NPEPL1: variants seen among roughly 807,000 people sequenced by gnomAD.
NPEPL1 encodes the protein probable aminopeptidase NPEPL1.
Under a neutral mutation model 52.4 loss-of-function variants are expected in NPEPL1, and 45 were observed. That is an observed-to-expected ratio of 0.86 (90% CI 0.68 to 1.10). NPEPL1 has a LOEUF of 1.10. Among genes scored for constraint, NPEPL1 ranks in the 50% least tolerant of loss-of-function variants. The pLI is 0.00. For missense variants in NPEPL1, 696 were observed against 710.9 expected (o/e 0.98, Z 0.24); for synonymous variants, 360 against 314.7 (o/e 1.14, Z -1.52).
intron 6 of NPEPL1, chr20:58,704,265 A>G: frequency 1.0e-6 from 1 of 983,570 alleles, no homozygotes; most frequent in Non-Finnish European, 1.2e-6. Flanking sequence ...GGCTGGAGCC[A>G]GCCCAGCTCC....
chr20:58,706,906 G>A (rs2084744789), intron 6 of NPEPL1, among the ~76,000 whole-genome samples: 2 of 152,168 alleles, frequency 1.3e-5, no homozygotes, highest in African/African-American at 4.8e-5. Flanking sequence ...ACCATCTATG[G>A]CCATGACTCC....
intron 7 of NPEPL1, chr20:58,711,452 C>T (rs2084840394): frequency 1.3e-5 from 2 of 152,484 alleles, no homozygotes; most frequent in Admixed American, 6.5e-5. Flanking sequence ...GCCCCGTGTC[C>T]CTGACACAGG....
chr20:58,712,498 A>G lies in NPEPL1; in HGVS notation c.920A>G (p.His307Arg). The G allele has an allele frequency of 6.2e-7, 1 of 1,612,346 alleles. No homozygotes were observed. Among genetic ancestry groups the G allele is most frequent in the Non-Finnish European group, 8.5e-7 (1 of 1,179,392 alleles). Residue 307 changes from histidine to arginine, a missense_variant, in exon 8 of 12, where the codon CAC becomes CGC. Physicochemically the swap from His to Arg is conservative, Grantham distance 29. Coordinates refer to ENST00000356091, the MANE Select transcript of NPEPL1 (RefSeq NM_024663.4). ...AIKQGFKDNL[H>R]AVFCLAENSV... ...CTCCAGGGTTTCAAAGACAACCTCC[A>G]CGCTGTGTTCTGCTTGGCTGAGAAC...
At chr20:58,714,945 A>G in intron 11 of NPEPL1, 1 of 621,868 alleles carries the variant, frequency 1.6e-6, no homozygotes, top group Non-Finnish European at 2.8e-6. Context: ...GTGAAGGCAG[A>G]GCACACAGGG....
At chr20:58,695,098 TTGC>T (rs1396952066) in intron 3 of NPEPL1, among the ~76,000 whole-genome samples, 3 of 147,818 alleles carry the variant, frequency 2.0e-5, no homozygotes, top group South Asian at 2.1e-4. Context: ...GTGGTATGTG[TTGC>T]TGTGTGTGTG....
chr20:58,694,127 C>T (rs1359244603), intron 2 of NPEPL1, among the ~76,000 whole-genome samples: 2 of 152,238 alleles, frequency 1.3e-5, no homozygotes, highest in Admixed American at 1.3e-4. Flanking sequence ...ATCAGAGACT[C>T]AAACCTAGAT....
intron 3 of NPEPL1, 77 bp from the exon 4 acceptor site, chr20:58,698,606 CT>C: frequency 4.2e-6 from 5 of 1,193,252 alleles, no homozygotes. Context: ...CCTCTGCTGC[CT>C]TTTGTTCCTG....
Position 58,693,938 on chromosome 20 carries a change from G to A in NPEPL1, c.336+16G>A, listed in dbSNP as rs6100166. On this transcript the variant is annotated intron_variant, in intron 2 of 11. Coordinates refer to ENST00000356091, the MANE Select transcript of NPEPL1 (RefSeq NM_024663.4). ...CTGCATTGTGGTGAGTGCTTCGAGA[G>A]GAGGCAGCCACGGTGCTCCTAGTCG... The A allele has an allele frequency of 7.1e-6, 11 of 1,549,798 alleles. No homozygotes were observed. Among genetic ancestry groups the A allele is most frequent in the Non-Finnish European group, 9.6e-6 (11 of 1,142,978 alleles).
At chr20:58,696,398 G>C (rs745995051) in intron 3 of NPEPL1, among the ~76,000 whole-genome samples, 1 of 152,196 alleles carries the variant, frequency 6.6e-6, no homozygotes, top group Non-Finnish European at 1.5e-5. Flanking sequence ...CATCTTTGTT[G>C]ATCTCCTGTG....
At position 58,712,533 on chromosome 20, in the gene NPEPL1, C is replaced by T. The variant is rs757104690; in HGVS notation, c.955C>T (p.Pro319Ser). 2 of 1,613,460 alleles carry T rather than the reference C, an allele frequency of 1.2e-6. No individual in the cohort carries two copies. Among genetic ancestry groups the T allele is most frequent in the Middle Eastern group, 3.3e-4 (2 of 6,084 alleles). The change falls in exon 8 of 12, where the codon CCC (proline) becomes TCC (serine). Residue 319 changes from proline (P) to serine (S), a missense_variant. Pro to Ser is a moderately conservative substitution (Grantham distance 74, BLOSUM62 -1). Transcript: ENST00000356091. Reference sequence around the variant, plus strand: ...CTGCTTGGCTGAGAACTCGGTGGGGCCCAATGCGACAAGGCCAGATGACAT... The same window carrying T: ...CTGCTTGGCTGAGAACTCGGTGGGGTCCAATGCGACAAGGCCAGATGACAT... ...VFCLAENSVG[P>S]NATRPDDIHL... is the part of the protein sequence containing the mutation.
rs1277147404 is a variant in NPEPL1, at chr20:58,715,732, A to C, written c.*406A>C. The C allele has an allele frequency of 1.9e-5, 3 of 161,652 alleles. No homozygotes were observed. Among genetic ancestry groups the C allele is most frequent in the Non-Finnish European group, 2.7e-5 (2 of 74,686 alleles). The allele number at this position is 161,652 out of a possible 1,614,324, so 10.0% of individuals were successfully genotyped here. A position where few individuals can be genotyped will look rare whatever the true frequency, so the allele number is the denominator to read the frequency against. On this transcript the variant is annotated 3_prime_UTR_variant, in exon 12 of 12. Transcript: ENST00000356091. ...GCATCCAGCCAGCCCAGCCCTGTGA[A>C]AGATGGAGCTGACTTGCTGCAGGGG... is the stretch of plus-strand genomic sequence containing the variant.
chr20:58,700,637 C>A (rs1243651901), intron 5 of NPEPL1, among the ~76,000 whole-genome samples: 1 of 152,318 alleles, frequency 6.6e-6, no homozygotes, highest in East Asian at 1.9e-4. Context: ...GCGGTGCAGT[C>A]CCTGAGTGCT....
At chr20:58,702,533 TTTG>T (rs1182838351) in intron 6 of NPEPL1, among the ~76,000 whole-genome samples, 3 of 152,120 alleles carry the variant, frequency 2.0e-5, no homozygotes, top group Non-Finnish European at 4.4e-5. Flanking sequence ...AAAAGGGTTT[TTTG>T]TTTTTTTTTA....
rs2084405891 is a variant in NPEPL1, at chr20:58,693,899, C to T, written c.313C>T (p.Pro105Ser). 2 of 1,609,812 alleles carry T rather than the reference C, an allele frequency of 1.2e-6. No homozygotes were observed. Among genetic ancestry groups the T allele is most frequent in the African/African-American group, 2.7e-5 (2 of 74,854 alleles). The change falls in exon 2 of 12, where the codon CCC becomes TCC. Residue 105 changes from proline to serine, a missense_variant. Coordinates refer to ENST00000356091, the MANE Select transcript of NPEPL1 (RefSeq NM_024663.4). ...GCGGCTGGTGCGGACCTGCCTGCCG[C>T]CCGGAGCGCATCGCTGCATTGTGGT... ...ITRLVRTCLP[P>S]GAHRCIVMVC...
rs1392609977 is a variant in NPEPL1, at chr20:58,715,804, T to G, written c.*478T>G. ...AAGTCACACTCCGGCCTCTCAGAAT[T>G]CACTTGAGGTTCAATTAAATACAGT... On this transcript the variant is annotated 3_prime_UTR_variant, in exon 12 of 12. Transcript: ENST00000356091. 6.5e-6 allele frequency: 1 copy of G among 153,212 alleles called. No individual in the cohort carries two copies. Among genetic ancestry groups the G allele is most frequent in the African/African-American group, 2.4e-5 (1 of 41,488 alleles). The allele number at this position is 153,212 out of a possible 1,614,324, so 9.5% of individuals were successfully genotyped here. A position where few individuals can be genotyped will look rare whatever the true frequency, so the allele number is the denominator to read the frequency against.
chr20:58,700,618 T>C (rs1286758581), intron 5 of NPEPL1, among the ~76,000 whole-genome samples: 1 of 151,970 alleles, frequency 6.6e-6, no homozygotes, highest in East Asian at 1.9e-4. Flanking sequence ...TGGGAGCGAG[T>C]GTGAAAGGGC....
chr20:58,699,452 C>T (rs1241877242), intron 5 of NPEPL1, among the ~76,000 whole-genome samples, 174 bp downstream of exon 5: 1 of 152,214 alleles, frequency 6.6e-6, no homozygotes, highest in African/African-American at 2.4e-5. Context: ...AAGCAGCCGT[C>T]CCTGGGGGAG....
At chr20:58,699,158 G>C (rs752455966) in intron 4 of NPEPL1, 39 bp from the exon 5 acceptor site, 1 of 1,529,896 alleles carries the variant, frequency 6.5e-7, no homozygotes, top group Non-Finnish European at 8.9e-7. Flanking sequence ...CCATCTTCAT[G>C]TGTTGTTGTG....
intron 7 of NPEPL1, among the ~76,000 whole-genome samples, chr20:58,709,826 C>G (rs1326250861): frequency 1.3e-5 from 2 of 152,158 alleles, no homozygotes; most frequent in Non-Finnish European, 2.9e-5. Context: ...ATGCAGTCGC[C>G]CAGATTAAGG....
Sources: gnomAD v4.1 joint callset for allele counts (sites outside exome capture counted in the v4.1 genomes callset) on GRCh38, gnomAD v4.1.1 for gene constraint, MANE v1.5 for transcripts, NCBI Gene and HGNC (gene_info 2026-07-23, HGNC 2026-07-21) for gene names.